TRAPPC8: variants seen among roughly 807,000 people sequenced by gnomAD.
TRAPPC8 encodes the protein general sporulation gene 1 homolog.
In TRAPPC8, 54 loss-of-function variants were observed where a neutral mutation model predicts 174.3. The observed-to-expected ratio is 0.31, with a 90% CI of 0.25 to 0.39. TRAPPC8 has a LOEUF of 0.39. TRAPPC8 is among the 10% of genes least tolerant of loss of function. The pLI is 1.00. For missense variants in TRAPPC8, 1,531 were observed against 1,699.1 expected (o/e 0.90, Z 1.74); for synonymous variants, 630 against 579.9 (o/e 1.09, Z -1.24).
chr18:31,924,530 G>A (rs982237507), intron 2 of TRAPPC8, among the ~76,000 whole-genome samples: 5 of 151,120 alleles, frequency 3.3e-5, no homozygotes, highest in Admixed American at 1.3e-4. Flanking sequence ...GGAGGCCAAG[G>A]CAGGTGGATC....
In TRAPPC8 at chr18:31,897,812, C is replaced by G; in HGVS notation, c.1570G>C (p.Ala524Pro). 6.2e-7 allele frequency: 1 copy of G among 1,611,160 alleles called. No individual in the cohort carries two copies. Among genetic ancestry groups the G allele is most frequent in the Admixed American group, 1.7e-5 (1 of 59,790 alleles). Residue 524 changes from alanine (A) to proline (P), a missense_variant, in exon 11 of 29, where the codon GCT becomes CCT. Ala to Pro is a conservative substitution (Grantham distance 27, BLOSUM62 -1). Transcript: ENST00000283351. ...TCACTGGTCAACCGTATTAGGAGAG[C>G]TGCAGCCTCTGAATATTTGCTTTGG... ...KSQSKYSEAA[A>P]LLIRLTSEDS...
chr18:31,877,265 C>T (rs1029957999), intron 12 of TRAPPC8, among the ~76,000 whole-genome samples: 2 of 152,148 alleles, frequency 1.3e-5, no homozygotes, highest in Non-Finnish European at 2.9e-5. Flanking sequence ...AGCTGGCAGA[C>T]GTGTCCTTGG....
chr18:31,880,279 T>G (rs1472626301), intron 12 of TRAPPC8, among the ~76,000 whole-genome samples: 1 of 151,316 alleles, frequency 6.6e-6, no homozygotes, highest in East Asian at 1.9e-4. Flanking sequence ...CAAATCCAGC[T>G]GGACATCAAA....
chr18:31,915,482 G>GC (rs1555678173), intron 4 of TRAPPC8, among the ~76,000 whole-genome samples: 9,786 of 116,772 alleles, frequency 0.084, 829 homozygotes, highest in African/African-American at 0.12. Context: ...GGGGGGGGGC[G>GC]CAGGCGCAGT....
At chr18:31,867,034 A>T in intron 17 of TRAPPC8, 59 bp from the exon 18 acceptor site, 1 of 1,555,486 alleles carries the variant, frequency 6.4e-7, no homozygotes, top group Non-Finnish European at 8.7e-7. Flanking sequence ...ATAGCACAAT[A>T]CCTAATTCTA....
chr18:31,884,473 T>A (rs1366105252), intron 12 of TRAPPC8, among the ~76,000 whole-genome samples: 1 of 152,118 alleles, frequency 6.6e-6, no homozygotes, highest in Admixed American at 6.6e-5. Flanking sequence ...AGTGATAGAG[T>A]TTGGTATTCT....
At chr18:31,840,784 A>T (rs2033049148) in intron 26 of TRAPPC8, among the ~76,000 whole-genome samples, 1 of 152,200 alleles carries the variant, frequency 6.6e-6, no homozygotes, top group African/African-American at 2.4e-5. Context: ...CCTTATCTAC[A>T]CAGTTGCAAA....
chr18:31,940,341 TG>T (rs1287104680), intron 1 of TRAPPC8, among the ~76,000 whole-genome samples: 1 of 151,768 alleles, frequency 6.6e-6, no homozygotes, highest in Admixed American at 6.6e-5. Flanking sequence ...CGTGAGCGCC[TG>T]TAATCCCAGC....
At chr18:31,940,357 C>G (rs112693330) in intron 1 of TRAPPC8, among the ~76,000 whole-genome samples, 3 of 151,504 alleles carry the variant, frequency 2.0e-5, no homozygotes. Flanking sequence ...CCCAGCTACT[C>G]GGGAGGCTGA....
rs2032293813 is a variant in TRAPPC8, at chr18:31,830,492, G to A, written c.*263C>T. On this transcript the variant is annotated 3_prime_UTR_variant, in exon 29 of 29. Coordinates refer to ENST00000283351, the MANE Select transcript of TRAPPC8 (RefSeq NM_014939.5). ...AGACTTTGTGTTTTCTTAAGATGGG[G>A]CTTAATAAGGTGCACAAATATGCTG... 2.6e-6 allele frequency: 1 copy of A among 390,412 alleles called. No individual in the cohort carries two copies. The highest frequency in any genetic ancestry group is 4.3e-5 in the Admixed American group (1 of 23,174). 24.2% of individuals were successfully genotyped at this position (390,412 alleles called of 1,614,324 possible).
Position 31,832,120 on chromosome 18 carries a change from A to G in TRAPPC8, c.4037T>C (p.Val1346Ala). 1 of 1,562,068 alleles carries G rather than the reference A, an allele frequency of 6.4e-7. No individual in the cohort carries two copies. Among genetic ancestry groups the G allele is most frequent in the Non-Finnish European group, 8.6e-7 (1 of 1,162,316 alleles). The change falls in exon 28 of 29, where the codon GTA becomes GCA. Residue 1346 changes from valine (V) to alanine (A), a missense_variant. Coordinates refer to ENST00000283351, the MANE Select transcript of TRAPPC8 (RefSeq NM_014939.5). ...LLLSNCSKAD[V>A]DVIVDLRHKT... ...ATGCCGAAGATCAACTATGACATCT[A>G]CATCAGCCTTAGAACAATTGGAAAG...
At chr18:31,861,675 GC>G (rs1413025361) in intron 19 of TRAPPC8, among the ~76,000 whole-genome samples, 2 of 152,090 alleles carry the variant, frequency 1.3e-5, no homozygotes, top group Non-Finnish European at 2.9e-5. Context: ...GGTTGCTCAT[GC>G]CTATAACCGC....
intron 19 of TRAPPC8, among the ~76,000 whole-genome samples, chr18:31,858,609 G>T (rs1309366324): frequency 2.0e-5 from 3 of 152,140 alleles, no homozygotes; most frequent in Non-Finnish European, 2.9e-5. Flanking sequence ...TTGGTTACTA[G>T]GTGCTGCCAC....
At chr18:31,907,420 G>T in intron 9 of TRAPPC8, 40 bp downstream of exon 9, 5 of 1,499,282 alleles carry the variant, frequency 3.3e-6, no homozygotes, top group Admixed American at 2.2e-5. Flanking sequence ...ATAATTTATG[G>T]TAGCAGAATT....
chr18:31,831,987 G>A (rs761866220), intron 28 of TRAPPC8, 97 bp downstream of exon 28: 9 of 784,312 alleles, frequency 1.1e-5, no homozygotes, highest in Admixed American at 3.5e-5. Flanking sequence ...GGACAAGCTT[G>A]AGTAACTTTC....
chr18:31,936,935 A>C (rs1172037089), intron 1 of TRAPPC8, among the ~76,000 whole-genome samples: 2 of 143,434 alleles, frequency 1.4e-5, no homozygotes, highest in Non-Finnish European at 1.5e-5. Context: ...AAAAGGAGCC[A>C]GGCGCGGTGG....
At chr18:31,928,200 A>T (rs1319341231) in intron 2 of TRAPPC8, among the ~76,000 whole-genome samples, 1 of 151,276 alleles carries the variant, frequency 6.6e-6, no homozygotes, top group Non-Finnish European at 1.5e-5. Flanking sequence ...AAAATTAAAT[A>T]AAATAAAAAA....
At position 31,886,344 on chromosome 18, in the gene TRAPPC8, G is replaced by GAAAAAA. The variant is rs1568092404; in HGVS notation, c.1728+4390_1728+4391insTTTTTT. Among the ~76,000 whole-genome samples, 3 of 71,262 alleles carry GAAAAAA rather than the reference G, an allele frequency of 4.2e-5. 1 individual carries two copies. The highest frequency in any genetic ancestry group is 5.5e-5 in the Non-Finnish European group (2 of 36,666). The allele number at this position is 71,262 out of a possible 152,430, so 46.8% of individuals were successfully genotyped here. On this transcript the variant is annotated intron_variant, in intron 12 of 28. Coordinates refer to ENST00000283351, the MANE Select transcript of TRAPPC8 (RefSeq NM_014939.5). ...TTAATTTTTAAGTGATGTTTCTTGA[G>GAAAAAA]GAAAAAAAAAAAAAAAAAAAAAGGC...
rs1040696796 is a variant in TRAPPC8, at chr18:31,908,225, T to C, written c.1238+78A>G. ...AACTAAGAAATTAAAGAGATAGTTA[T>C]CTTCTGCAGGATATACAATCAAACA... On this transcript the variant is annotated intron_variant, in intron 8 of 28. Transcript: ENST00000283351. 6.7e-6 allele frequency: 5 copies of C among 747,236 alleles called. No individual in the cohort carries two copies. The African/African-American group carries it at 7.3e-5, about 11-fold the overall frequency. 46.3% of individuals were successfully genotyped at this position (747,236 alleles called of 1,614,324 possible). A position where few individuals can be genotyped will look rare whatever the true frequency, so the allele number is the denominator to read the frequency against.
Sources: gnomAD v4.1 joint callset for allele counts (sites outside exome capture counted in the v4.1 genomes callset) on GRCh38, gnomAD v4.1.1 for gene constraint, MANE v1.5 for transcripts, NCBI Gene and HGNC (gene_info 2026-07-23, HGNC 2026-07-21) for gene names.